FOXP2: variants seen among roughly 807,000 people sequenced by gnomAD.
The protein encoded by FOXP2 is forkhead box protein P2.
A neutral mutation model predicts 115.8 loss-of-function variants in FOXP2; 12 were observed. The observed-to-expected ratio is 0.10, with a 90% confidence interval of 0.07 to 0.17. The LOEUF is 0.17. FOXP2 is among the 10% of genes least tolerant of loss of function. The pLI is 1.00. For missense variants in FOXP2, 629 were observed against 843.5 expected (o/e 0.75, Z 3.15); for synonymous variants, 328 against 297.7 (o/e 1.10, Z -1.05).
chr7:114,547,792 A>T (rs1189394330), intron 3 of FOXP2, among the ~76,000 whole-genome samples: 1 of 152,130 alleles, frequency 6.6e-6, no homozygotes, highest in Non-Finnish European at 1.5e-5. Flanking sequence ...TACAAGTAAG[A>T]TGATGTGAGG....
intron 3 of FOXP2, among the ~76,000 whole-genome samples, chr7:114,559,069 C>A (rs1800614977): frequency 6.6e-6 from 1 of 151,964 alleles, no homozygotes; most frequent in South Asian, 2.1e-4. Context: ...TTGAATAAAG[C>A]AAACATGCAT....
chr7:114,428,967 GT>G (rs1793989435), intron 2 of FOXP2, among the ~76,000 whole-genome samples: 1 of 151,538 alleles, frequency 6.6e-6, no homozygotes, highest in Admixed American at 6.6e-5. Context: ...GCTAATCATT[GT>G]TGACCAAGAT....
At chr7:114,622,122 G>A (rs546129967) in intron 3 of FOXP2, among the ~76,000 whole-genome samples, 16 of 151,964 alleles carry the variant, frequency 1.1e-4, no homozygotes, top group African/African-American at 1.9e-4. Context: ...AGTGTAAAGC[G>A]CAAAAAGCTG....
chr7:114,368,184 A>G (rs1791924356), intron 2 of FOXP2, among the ~76,000 whole-genome samples: 1 of 152,206 alleles, frequency 6.6e-6, no homozygotes, highest in Non-Finnish European at 1.5e-5. Flanking sequence ...TTTACAGAAT[A>G]AATTTCTAAT....
At chr7:114,120,539 C>T (rs114359051) in intron 1 of FOXP2, among the ~76,000 whole-genome samples, 247 of 152,100 alleles carry the variant, frequency 1.6e-3, no homozygotes, top group African/African-American at 5.6e-3. Flanking sequence ...AAATGAAGGA[C>T]TTGAACTAGA....
In FOXP2 at chr7:114,204,194, G is replaced by A. The variant is rs536064129; in HGVS notation, c.-102+41106G>A. ...TAACCACATTAACAAAATAAAAAGC[G>A]GTGAAACTCATTTCAATGGTACTTT... On this transcript the variant is annotated intron_variant, in intron 1 of 17. Transcript: ENST00000634411. Among the ~76,000 whole-genome samples the A allele has an allele frequency of 1.2e-4, 19 of 152,148 alleles. 2 individuals are homozygous for A. In the South Asian group the frequency reaches 2.9e-3, roughly 23 times the overall value.
chr7:114,397,198 T>C (rs982784217), intron 2 of FOXP2, among the ~76,000 whole-genome samples: 2 of 152,096 alleles, frequency 1.3e-5, no homozygotes, highest in African/African-American at 4.8e-5. Context: ...ATTTAAAAAT[T>C]TAAAAGTTTA....
Position 114,228,384 on chromosome 7 carries a change from A to T in FOXP2, c.-101-59635A>T, listed in dbSNP as rs572305343. On this transcript the variant is annotated intron_variant, in intron 1 of 17. Transcript: ENST00000634411. ...TTTATTAGCTTTTCATGTATCTTTT[A>T]GTTTCAAGAGCTGAAAGAAGACAGG... Among the ~76,000 whole-genome samples the T allele has an allele frequency of 1.3e-3, 191 of 152,144 alleles. 1 individual carries two copies. The highest frequency in any genetic ancestry group is 4.4e-3 in the African/African-American group (184 of 41,564).
chr7:114,239,410 C>T (rs1230024066), intron 1 of FOXP2, among the ~76,000 whole-genome samples: 1 of 151,974 alleles, frequency 6.6e-6, no homozygotes, highest in Non-Finnish European at 1.5e-5. Flanking sequence ...TTTCCCGTAC[C>T]TTTTAATATC....
intron 1 of FOXP2, among the ~76,000 whole-genome samples, chr7:114,256,315 C>G (rs1027691552): frequency 6.6e-6 from 1 of 152,122 alleles, no homozygotes; most frequent in Admixed American, 6.5e-5. Flanking sequence ...CCATGTTGAT[C>G]AGGCTGGTCT....
At chr7:114,312,625 T>TGTCAGG (rs1797174515) in intron 2 of FOXP2, among the ~76,000 whole-genome samples, 1 of 152,194 alleles carries the variant, frequency 6.6e-6, no homozygotes, top group Non-Finnish European at 1.5e-5. Context: ...ACACATGAGA[T>TGTCAGG]GTCAGGGTCA....
chr7:114,647,641 A>G (rs1408665833), intron 8 of FOXP2, among the ~76,000 whole-genome samples: 2 of 151,976 alleles, frequency 1.3e-5, no homozygotes, highest in African/African-American at 4.8e-5. Flanking sequence ...CCTGACCACT[A>G]ATTGAGTATC....
chr7:114,296,875 TTC>T (rs1253793885), intron 2 of FOXP2, among the ~76,000 whole-genome samples: 2 of 152,190 alleles, frequency 1.3e-5, no homozygotes, highest in African/African-American at 4.8e-5. Context: ...CTTATAAAGA[TTC>T]TGTCACATTA....
At chr7:114,365,698 C>T (rs1419690812) in intron 2 of FOXP2, among the ~76,000 whole-genome samples, 1 of 151,984 alleles carries the variant, frequency 6.6e-6, no homozygotes, top group East Asian at 1.9e-4. Context: ...CTAATTTTTA[C>T]AATAAACTGT....
intron 2 of FOXP2, among the ~76,000 whole-genome samples, chr7:114,438,553 A>T (rs1423181161): frequency 6.6e-6 from 1 of 151,958 alleles, no homozygotes; most frequent in African/African-American, 2.4e-5. Flanking sequence ...CATTATAACA[A>T]CTAGTTTTGA....
intron 3 of FOXP2, among the ~76,000 whole-genome samples, chr7:114,552,470 TA>T (rs1165924694): frequency 6.6e-6 from 1 of 152,196 alleles, no homozygotes; most frequent in African/African-American, 2.4e-5. Flanking sequence ...ACCTTCTCAG[TA>T]ACATATATTT....
At chr7:114,524,919 G>A (rs1798790952) in intron 2 of FOXP2, among the ~76,000 whole-genome samples, 1 of 152,090 alleles carries the variant, frequency 6.6e-6, no homozygotes, top group Non-Finnish European at 1.5e-5. Flanking sequence ...AGTAGGGGTT[G>A]TATCTCACAA....
At chr7:114,148,022 C>G (rs956693822) in intron 1 of FOXP2, among the ~76,000 whole-genome samples, 1 of 152,192 alleles carries the variant, frequency 6.6e-6, no homozygotes, top group Non-Finnish European at 1.5e-5. Context: ...ATTCTACAAG[C>G]CATTCAACTG....
intron 2 of FOXP2, among the ~76,000 whole-genome samples, chr7:114,502,785 G>T (rs986895757): frequency 6.6e-6 from 1 of 152,002 alleles, no homozygotes; most frequent in South Asian, 2.1e-4. Flanking sequence ...CATCAGGGAC[G>T]CTGAGCTATG....
Sources: gnomAD v4.1 joint callset for allele counts (sites outside exome capture counted in the v4.1 genomes callset) on GRCh38, gnomAD v4.1.1 for gene constraint, MANE v1.5 for transcripts, NCBI Gene and HGNC (gene_info 2026-07-23, HGNC 2026-07-21) for gene names.